ARSB: variants seen among roughly 807,000 people sequenced by gnomAD.
ARSB encodes the protein N-acetylgalactosamine-4-sulfatase.
Under a neutral mutation model 50.9 loss-of-function variants are expected in ARSB, and 41 were observed. The ratio of observed to expected loss-of-function variants is 0.81; its 90% CI spans 0.63 to 1.04. The LOEUF (loss-of-function observed/expected upper bound fraction) is 1.04. Ranked by LOEUF, ARSB falls within the 50% of genes least tolerant of loss-of-function variation. The pLI is 0.00. For missense variants in ARSB, 672 were observed against 693.3 expected, an observed-to-expected ratio of 0.97 and a Z score of 0.35; for synonymous variants, 269 against 284.8, an observed-to-expected ratio of 0.94 and a Z score of 0.56.
intron 5 of ARSB, among the ~76,000 whole-genome samples, chr5:78,871,804 A>G (rs200145708): frequency 0.18 from 22,216 of 125,516 alleles, 2,460 homozygotes; most frequent in Admixed American, 0.24. Flanking sequence ...ACAAAAGCCA[A>G]AATTGACAAA....
intron 6 of ARSB, among the ~76,000 whole-genome samples, chr5:78,797,732 C>T (rs898339089): frequency 6.6e-6 from 1 of 152,176 alleles, no homozygotes; most frequent in Non-Finnish European, 1.5e-5. Flanking sequence ...CCTAAGATAG[C>T]TTTATGGGTA....
In ARSB at chr5:78,955,464, C is replaced by T. The variant is rs144029271; in HGVS notation, c.729G>A (p.Glu243=). ...FLYLALQSVH[E]PLQVPEEYLK... Reference sequence around the variant, plus strand: ...AGTATTCCTCAGGGACCTGAAGGGGCTCATGCACAGACTGGAGAGCAAGGT... The same window carrying T: ...AGTATTCCTCAGGGACCTGAAGGGGTTCATGCACAGACTGGAGAGCAAGGT... The change falls in exon 4 of 8, where the codon GAG becomes GAA. Residue 243 remains glutamate, a synonymous_variant. Coordinates refer to ENST00000264914, the MANE Select transcript of ARSB (RefSeq NM_000046.5). The T allele has an allele frequency of 4.8e-5, 78 of 1,614,128 alleles. 1 individual carries two copies. The South Asian group carries it at 5.8e-4, about 12-fold the overall frequency.
chr5:78,972,963 C>T (rs1205938412), intron 1 of ARSB, among the ~76,000 whole-genome samples: 1 of 152,148 alleles, frequency 6.6e-6, no homozygotes, highest in Non-Finnish European at 1.5e-5. Context: ...GAAGCCAAAC[C>T]CTGGATGACA....
intron 4 of ARSB, among the ~76,000 whole-genome samples, chr5:78,930,552 C>T (rs1283726741): frequency 1.3e-5 from 2 of 152,260 alleles, no homozygotes; most frequent in East Asian, 3.9e-4. Flanking sequence ...AGATTACAGT[C>T]AGTTAAGAGT....
At chr5:78,883,468 A>G (rs1747860247) in intron 5 of ARSB, 1 of 152,230 alleles carries the variant, frequency 6.6e-6, no homozygotes, top group Non-Finnish European at 1.5e-5. Context: ...ATTTTAAAAT[A>G]ATATGAAAAT....
intron 5 of ARSB, among the ~76,000 whole-genome samples, chr5:78,864,897 G>T (rs1353620541): frequency 6.6e-6 from 1 of 152,212 alleles, no homozygotes; most frequent in East Asian, 1.9e-4. Flanking sequence ...CAAACTCCAT[G>T]TCTCACATCC....
At chr5:78,886,290 GA>G (rs917983630) in intron 4 of ARSB, among the ~76,000 whole-genome samples, 14 of 151,654 alleles carry the variant, frequency 9.2e-5, no homozygotes, top group Admixed American at 7.2e-4. Context: ...TTTCCTCTTG[GA>G]AAAAAAATTC....
chr5:78,859,403 T>C (rs1746315934), intron 5 of ARSB, among the ~76,000 whole-genome samples: 1 of 152,218 alleles, frequency 6.6e-6, no homozygotes, highest in Non-Finnish European at 1.5e-5. Context: ...TATTCATTAC[T>C]AAAAAATAAT....
chr5:78,811,913 T>C (rs1314156015), intron 6 of ARSB, among the ~76,000 whole-genome samples: 2 of 152,028 alleles, frequency 1.3e-5, no homozygotes, highest in African/African-American at 2.4e-5. Flanking sequence ...GTTAACAGTG[T>C]ATTCACATTT....
rs566654980 is a variant in ARSB at position 78,777,588 on chromosome 5, C to T, written c.*2809G>A. 1 of 152,678 alleles carries T rather than the reference C, an allele frequency of 6.5e-6. No homozygotes were observed. Among genetic ancestry groups the T allele is most frequent in the Non-Finnish European group, 1.5e-5 (1 of 68,026 alleles). The allele number at this position is 152,678 out of a possible 1,614,324, so 9.5% of individuals were successfully genotyped here. On this transcript the variant is annotated 3_prime_UTR_variant, in exon 8 of 8. Transcript: ENST00000264914. The stretch of plus-strand genomic sequence containing the variant: ...AAAAAATTTGCCGGGCACAGTGGCT[C>T]ACACCTGTAATCCCAGTGCTTTGGG...
intron 6 of ARSB, among the ~76,000 whole-genome samples, chr5:78,806,302 C>T (rs1017238428): frequency 1.3e-5 from 2 of 152,210 alleles, no homozygotes; most frequent in Non-Finnish European, 2.9e-5. Context: ...TGAAGGATGT[C>T]ATAGGCTGTT....
At chr5:78,833,990 T>C (rs1278808978) in intron 6 of ARSB, among the ~76,000 whole-genome samples, 1 of 152,186 alleles carries the variant, frequency 6.6e-6, no homozygotes, top group East Asian at 1.9e-4. Context: ...GGAGTATAAG[T>C]GGCCATCTGG....
intron 3 of ARSB, among the ~76,000 whole-genome samples, 198 bp from the exon 4 acceptor site, chr5:78,955,700 A>T (rs553631440): frequency 6.6e-6 from 1 of 152,368 alleles, no homozygotes; most frequent in East Asian, 1.9e-4. Flanking sequence ...ACTCAATGAT[A>T]ACTCAACTAC....
intron 6 of ARSB, among the ~76,000 whole-genome samples, chr5:78,808,764 G>T (rs1743682046): frequency 6.6e-6 from 1 of 152,226 alleles, no homozygotes; most frequent in Non-Finnish European, 1.5e-5. Flanking sequence ...AGACAGGTCA[G>T]CGCTCCTGCC....
At chr5:78,919,896 G>C (rs1482345673) in intron 4 of ARSB, among the ~76,000 whole-genome samples, 6 of 152,198 alleles carry the variant, frequency 3.9e-5, no homozygotes, top group South Asian at 2.1e-4. Flanking sequence ...TAGAAGCCCA[G>C]GAATCAAGGG....
intron 1 of ARSB, among the ~76,000 whole-genome samples, chr5:78,977,820 T>TACAC (rs536959032): frequency 5.9e-5 from 9 of 151,986 alleles, no homozygotes; most frequent in Non-Finnish European, 1.0e-4. Flanking sequence ...CTAAAGATTA[T>TACAC]ACACACACAC....
chr5:78,901,336 C>G (rs756193973), intron 4 of ARSB, among the ~76,000 whole-genome samples: 13 of 152,238 alleles, frequency 8.5e-5, no homozygotes, highest in Non-Finnish European at 1.6e-4. Flanking sequence ...CTACCACAAA[C>G]ATGATGATAA....
intron 4 of ARSB, among the ~76,000 whole-genome samples, chr5:78,950,099 C>T (rs1406252934): frequency 6.6e-6 from 1 of 152,110 alleles, no homozygotes; most frequent in Non-Finnish European, 1.5e-5. Flanking sequence ...GTGCAGGTTC[C>T]TGGAATTTAG....
At chr5:78,803,615 C>T (rs1743469751) in intron 6 of ARSB, among the ~76,000 whole-genome samples, 1 of 152,228 alleles carries the variant, frequency 6.6e-6, no homozygotes, top group Non-Finnish European at 1.5e-5. Flanking sequence ...ATCCAAGTTC[C>T]CACAGAAACA....
Sources: allele counts gnomAD v4.1 joint callset (sites outside exome capture counted in the v4.1 genomes callset), GRCh38; gene constraint gnomAD v4.1.1; transcripts MANE v1.5; gene names NCBI Gene and HGNC (gene_info 2026-07-23, HGNC 2026-07-21).